The following CAPN12 variants were observed in gnomAD, a reference collection of about 807,000 sequenced individuals.
CAPN12 encodes the protein calpain-12.
In CAPN12, 107 loss-of-function variants were observed where a neutral mutation model predicts 95.0. The observed-to-expected ratio is 1.13, with a 90% CI of 0.96 to 1.32. The LOEUF is 1.32. Among genes scored for constraint, CAPN12 ranks in the 40% most tolerant of loss-of-function variants. The probability of loss-of-function intolerance (pLI) is 0.00; values close to 1 mark genes in which losing one functional copy is unlikely to be tolerated. For missense variants in CAPN12, 1,136 were observed against 997.8 expected, an observed-to-expected ratio of 1.14 and a Z score of -1.87; for synonymous variants, 505 against 415.5, an observed-to-expected ratio of 1.22 and a Z score of -2.62.
rs952896042 is a variant in CAPN12 at position 38,738,993 on chromosome 19, G to A, written c.730-345C>T. 2.0e-4 allele frequency: 72 copies of A among 358,686 alleles called. 1 individual carries two copies. Among genetic ancestry groups the A allele is most frequent in the Admixed American group, 1.4e-3 (33 of 23,110 alleles). 22.2% of individuals were successfully genotyped at this position (358,686 alleles called of 1,614,324 possible). A position where few individuals can be genotyped will look rare whatever the true frequency, so the allele number is the denominator to read the frequency against. On this transcript the variant is annotated intron_variant, in intron 5 of 20. Coordinates refer to ENST00000328867, the MANE Select transcript of CAPN12 (RefSeq NM_144691.4). ...CAAAAATTTTAAAAATTCAACAGGC[G>A]TGGTGGTGCACACCAGTGGTCCCAG...
intron 4 of CAPN12, among the ~76,000 whole-genome samples, chr19:38,741,564 G>A (rs977600468): frequency 6.6e-6 from 1 of 150,376 alleles, no homozygotes; most frequent in African/African-American, 2.5e-5. Flanking sequence ...CAGAGTGAGT[G>A]AGACTCCGTC....
At chr19:38,742,716 T>G (rs1599936870) in intron 2 of CAPN12, among the ~76,000 whole-genome samples, 188 bp from the exon 3 acceptor site, 2 of 151,834 alleles carry the variant, frequency 1.3e-5, no homozygotes, top group African/African-American at 2.4e-5. Flanking sequence ...CTGGGCATGG[T>G]GGCATGCACC....
chr19:38,736,172 G>A lies in CAPN12; in HGVS notation c.1521C>T (p.Ala507=), dbSNP rs1970124068. The A allele has an allele frequency of 1.3e-6, 2 of 1,513,238 alleles. No individual in the cohort carries two copies. Among genetic ancestry groups the A allele is most frequent in the South Asian group, 2.5e-5 (2 of 81,092 alleles). The allele number at this position is 1,513,238 out of a possible 1,614,324, so 93.7% of individuals were successfully genotyped here. A position where few individuals can be genotyped will look rare whatever the true frequency, so the allele number is the denominator to read the frequency against. The part of the protein sequence containing the change: ...PGHYLVVPST[A]HAGDEADFTL... Reference sequence around the variant, plus strand: ...TGAAGTCAGCCTCGTCGCCGGCGTGGGCGGTGCTCGGCACCACCAGGTAGT... The same window carrying A: ...TGAAGTCAGCCTCGTCGCCGGCGTGAGCGGTGCTCGGCACCACCAGGTAGT... The change falls in exon 12 of 21, where the codon GCC becomes GCT. Residue 507 remains alanine, a synonymous_variant. Transcript: ENST00000328867.
rs1248242310 is a variant in CAPN12, at chr19:38,740,192, C to G, written c.588G>C (p.Arg196=). ...CAAAAGCCTCATTCATGTGGCCGCC[C>G]CGCATCACCTCATAGGAGCCGTGGA... ...AKLHGSYEVM[R]GGHMNEAFVD... The change falls in exon 5 of 21, where the codon CGG becomes CGC. Residue 196 remains arginine (R), a synonymous_variant. Transcript: ENST00000328867. The G allele has an allele frequency of 6.2e-7, 1 of 1,610,906 alleles. No homozygotes were observed.
At position 38,734,255 on chromosome 19, in the gene CAPN12, G is replaced by A. The variant is rs753258078; in HGVS notation, c.1816-51C>T. 7.5e-6 allele frequency: 12 copies of A among 1,608,268 alleles called. No individual in the cohort carries two copies. The East Asian group carries it at 2.0e-4, about 27-fold the overall frequency. ...GTTAAGGTCAATCTCTCCAGAAGGG[G>A]AGGAGAGACCCCAACGTCCCCTTCC... On this transcript the variant is annotated intron_variant, in intron 16 of 20. Coordinates refer to ENST00000328867, the MANE Select transcript of CAPN12 (RefSeq NM_144691.4).
At chr19:38,737,673 C>G in intron 8 of CAPN12, 35 bp from the exon 9 acceptor site, 1 of 1,513,674 alleles carries the variant, frequency 6.6e-7, no homozygotes, top group South Asian at 1.3e-5. Context: ...TGCCCGGCCC[C>G]ACCTCGAGGG....
intron 2 of CAPN12, 39 bp from the exon 3 acceptor site, chr19:38,742,567 G>C (rs949181024): frequency 6.8e-7 from 1 of 1,464,318 alleles, no homozygotes; most frequent in African/African-American, 1.4e-5. Context: ...GATGGAAGGA[G>C]GGAGGCCTGG....
intron 18 of CAPN12, chr19:38,731,432 C>G (rs535464324): frequency 3.4e-6 from 2 of 596,666 alleles, no homozygotes; most frequent in Admixed American, 2.8e-5. Context: ...AGCCCCGACC[C>G]CATAGGGTGT....
chr19:38,741,985 A>G, intron 3 of CAPN12, 75 bp from the exon 4 acceptor site: 1 of 1,562,898 alleles, frequency 6.4e-7, no homozygotes. Flanking sequence ...CTGCTGTGCC[A>G]GTCCCAGAGT....
At position 38,740,110 on chromosome 19, in the gene CAPN12, GC is replaced by G. The variant is rs904425547; in HGVS notation, c.669del (p.Leu224CysfsTer20). 14 of 1,613,558 alleles carry G rather than the reference GC, an allele frequency of 8.7e-6. No homozygotes were observed. In the African/African-American group the frequency reaches 1.7e-4, roughly 20 times the overall value. ...EVLYLRQNSM[G>X]LFSALRHALA... ...AGGGCATGGCGCAGGGCAGAGAACAGCCCCATGCTGTTTTGTCTCAGATAGA... is the reference window on the plus strand; with the variant it reads ...AGGGCATGGCGCAGGGCAGAGAACAGCCCATGCTGTTTTGTCTCAGATAGA... On this transcript the variant is annotated frameshift_variant, in exon 5 of 21. Transcript: ENST00000328867. LOFTEE classifies it high-confidence loss of function.
At chr19:38,738,919 G>T in intron 5 of CAPN12, 1 of 515,926 alleles carries the variant, frequency 1.9e-6, no homozygotes, top group Non-Finnish European at 3.5e-6. Flanking sequence ...ACTACTTGAG[G>T]CCAGGAGTCC....
intron 18 of CAPN12, 44 bp downstream of exon 18, chr19:38,733,659 G>T: frequency 1.3e-6 from 2 of 1,550,010 alleles, no homozygotes; most frequent in Non-Finnish European, 1.8e-6. Context: ...GGATGGGAGA[G>T]AACAGGTCCT....
chr19:38,734,990 G>GGA, intron 14 of CAPN12, 120 bp from the exon 15 acceptor site: 1 of 906,214 alleles, frequency 1.1e-6, no homozygotes, highest in Non-Finnish European at 1.7e-6. Context: ...CAGGAGTGGG[G>GGA]GAGACAGACC....
In CAPN12 at chr19:38,730,862, G is replaced by A; in HGVS notation, c.2150C>T (p.Thr717Ile). 2 of 1,551,418 alleles carry A rather than the reference G, an allele frequency of 1.3e-6. No individual in the cohort carries two copies. The highest frequency in any genetic ancestry group is 1.7e-6 in the Non-Finnish European group (2 of 1,147,420). Reference protein sequence around the residue: ...LTHRQWMEVATFS With the variant: ...LTHRQWMEVAIFS ...GCCCATCCGGAGATCCTAGGAGAAG[G>A]TGGCCACCTCCATCCACTAAGGAAG... The change falls in exon 21 of 21, where the codon ACC becomes ATC. Residue 717 changes from threonine (T) to isoleucine (I), a missense_variant. Coordinates refer to ENST00000328867, the MANE Select transcript of CAPN12 (RefSeq NM_144691.4).
intron 8 of CAPN12, among the ~76,000 whole-genome samples, chr19:38,737,983 G>A (rs1436340347): frequency 6.6e-6 from 1 of 152,044 alleles, no homozygotes; most frequent in East Asian, 1.9e-4. Context: ...ATATCACCAA[G>A]CCTTCCTCCA....
chr19:38,732,045 C>A (rs376396651), intron 18 of CAPN12, among the ~76,000 whole-genome samples: 1 of 152,250 alleles, frequency 6.6e-6, no homozygotes, highest in Non-Finnish European at 1.5e-5. Flanking sequence ...GGTGGAAGGA[C>A]CCGAGAAGGC....
chr19:38,743,907 C>A (rs371365051), intron 1 of CAPN12, 22 bp downstream of exon 1: 8 of 1,610,770 alleles, frequency 5.0e-6, no homozygotes, highest in Non-Finnish European at 5.9e-6. Flanking sequence ...ACCCCAGAGC[C>A]CAGACCCCAG....
intron 11 of CAPN12, 67 bp from the exon 12 acceptor site, chr19:38,736,385 C>T (rs1432208887): frequency 4.0e-6 from 6 of 1,484,698 alleles, no homozygotes; most frequent in Admixed American, 2.1e-5. Flanking sequence ...CACCCTCCAG[C>T]GCGCCCCGTC....
At position 38,737,550 on chromosome 19, in the gene CAPN12, C is replaced by T; in HGVS notation, c.1054G>A (p.Gly352Ser). 3 of 1,612,514 alleles carry T rather than the reference C, an allele frequency of 1.9e-6. No homozygotes were observed. Among genetic ancestry groups the T allele is most frequent in the South Asian group, 1.1e-5 (1 of 91,056 alleles). ...TGGAAGGTGTGGACGTGCCAGCCGCCCCCCTCCGGGCTGGGGCCCAGCACC... is the reference window on the plus strand; with the variant it reads ...TGGAAGGTGTGGACGTGCCAGCCGCTCCCCTCCGGGCTGGGGCCCAGCACC... ...PEVLGPSPEGGGWHVHTFQGR... is the reference protein window; with the variant it reads ...PEVLGPSPEGSGWHVHTFQGR... The change falls in exon 9 of 21, where the codon GGC (glycine) becomes AGC (serine). Residue 352 changes from glycine to serine, a missense_variant. Coordinates refer to ENST00000328867, the MANE Select transcript of CAPN12 (RefSeq NM_144691.4).
Sources: gnomAD v4.1 joint callset for allele counts (sites outside exome capture counted in the v4.1 genomes callset) on GRCh38, gnomAD v4.1.1 for gene constraint, MANE v1.5 for transcripts, NCBI Gene and HGNC (gene_info 2026-07-23, HGNC 2026-07-21) for gene names.